The following PPP2R2C variants were observed in gnomAD, a reference collection of about 807,000 sequenced individuals.
The protein encoded by PPP2R2C is protein phosphatase 2 regulatory subunit Bgamma.
Under a neutral mutation model 45.3 loss-of-function variants are expected in PPP2R2C, and 10 were observed. The observed-to-expected ratio is 0.22, with a 90% CI of 0.14 to 0.37. The LOEUF (loss-of-function observed/expected upper bound fraction) is 0.37. Ranked by LOEUF, PPP2R2C falls within the 10% of genes least tolerant of loss-of-function variation. The pLI, the probability that PPP2R2C is intolerant of heterozygous loss-of-function variation, is 1.00. For synonymous variants in PPP2R2C, 257 were observed against 245.4 expected, an observed-to-expected ratio of 1.05 and a Z score of -0.44; for missense variants, 308 against 619.7, an observed-to-expected ratio of 0.50 and a Z score of 5.34.
intron 1 of PPP2R2C, among the ~76,000 whole-genome samples, chr4:6,548,696 T>C (rs1048313545): frequency 6.6e-6 from 1 of 152,146 alleles, no homozygotes; most frequent in African/African-American, 2.4e-5. Context: ...TCCTGGTGTG[T>C]GCAGAAATGG....
intron 1 of PPP2R2C, among the ~76,000 whole-genome samples, chr4:6,433,716 T>C (rs757560320): frequency 1.3e-5 from 2 of 152,234 alleles, no homozygotes; most frequent in East Asian, 1.9e-4. Flanking sequence ...GTCCTCATTC[T>C]TTCCCTTGAA....
intron 6 of PPP2R2C, among the ~76,000 whole-genome samples, chr4:6,337,132 A>G (rs1361438342): frequency 0.031 from 1,752 of 56,990 alleles, 179 homozygotes; most frequent in African/African-American, 0.13. Flanking sequence ...ATATATATAT[A>G]TATATATATA....
chr4:6,348,797 G>T, intron 5 of PPP2R2C: 1 of 765,134 alleles, frequency 1.3e-6, no homozygotes, highest in Non-Finnish European at 1.6e-6. Context: ...ATCTGGTGAT[G>T]CCATTGGAAT....
intron 1 of PPP2R2C, among the ~76,000 whole-genome samples, chr4:6,419,396 C>T (rs534619669): frequency 6.6e-5 from 10 of 151,910 alleles, no homozygotes; most frequent in African/African-American, 2.4e-4. Context: ...ACTGCCACTG[C>T]ACTCCTAGGC....
At chr4:6,554,572 C>T (rs764346568) in intron 1 of PPP2R2C, among the ~76,000 whole-genome samples, 20 of 152,200 alleles carry the variant, frequency 1.3e-4, no homozygotes, top group Middle Eastern at 3.4e-3. Context: ...AAATTGATTG[C>T]TCACTGGCCG....
In PPP2R2C at chr4:6,471,380, G is replaced by A. The variant is rs1293542560; in HGVS notation, c.70+780C>T. On this transcript the variant is annotated intron_variant, in intron 1 of 8. Coordinates refer to ENST00000382599, the MANE Select transcript of PPP2R2C (RefSeq NM_020416.4). This position sits in a 1 kb window ranked among gnomAD's most constrained non-coding sequence, Gnocchi z 5.6. ...AGCGAGGCAGACCAGGGGGCCCCCG[G>A]AAGTTCCAGGCCTGTAAGAGAGGGG... is the stretch of plus-strand genomic sequence containing the variant. Among the ~76,000 whole-genome samples the A allele has an allele frequency of 6.6e-6, 1 of 152,040 alleles. No individual in the cohort carries two copies. The highest frequency in any genetic ancestry group is 2.4e-5 in the African/African-American group (1 of 41,440).
intron 1 of PPP2R2C, among the ~76,000 whole-genome samples, chr4:6,416,349 C>A (rs1018337309): frequency 6.6e-6 from 1 of 152,172 alleles, no homozygotes; most frequent in South Asian, 2.1e-4. Flanking sequence ...AGAGTAGGAG[C>A]CAGGATTCGA....
intron 5 of PPP2R2C, among the ~76,000 whole-genome samples, chr4:6,359,959 C>T (rs950063379): frequency 3.3e-5 from 5 of 152,240 alleles, no homozygotes; most frequent in African/African-American, 9.6e-5. Context: ...ACTCCACAAA[C>T]GCCAAAAGCA....
rs189285227 is a variant in PPP2R2C at position 6,401,826 on chromosome 4, T to C, written c.71-20732A>G. Among the ~76,000 whole-genome samples the C allele has an allele frequency of 7.8e-4, 119 of 152,010 alleles. 1 individual carries two copies. Among genetic ancestry groups the C allele is most frequent in the African/African-American group, 2.7e-3 (113 of 41,444 alleles). Reference sequence around the variant, plus strand: ...CTGTCGCTCAAAGGGCAGAATCTGGTGGGAGAGGGGGGGTATCTGCCATGG... The same window carrying C: ...CTGTCGCTCAAAGGGCAGAATCTGGCGGGAGAGGGGGGGTATCTGCCATGG... On this transcript the variant is annotated intron_variant, in intron 1 of 8. Transcript: ENST00000382599.
rs549031559 is a variant in PPP2R2C at position 6,424,332 on chromosome 4, T to A, written c.71-43238A>T. ...CCTGCCATCCTGCGTGAGCTGACGG[T>A]TCCTCCAGGTGAAAACAGAATGGTC... On this transcript the variant is annotated intron_variant, in intron 1 of 8. Transcript: ENST00000382599. 2.6e-5 allele frequency among the ~76,000 whole-genome samples: 4 copies of A among 152,350 alleles called. No individual in the cohort carries two copies. In the South Asian group the frequency reaches 8.3e-4, roughly 32 times the overall value.
intron 1 of PPP2R2C, chr4:6,420,838 C>T: frequency 1.4e-6 from 1 of 699,414 alleles, no homozygotes; most frequent in Non-Finnish European, 1.8e-6. Flanking sequence ...CTGGGACATG[C>T]CAGTGCCCAG....
At chr4:6,473,357 G>A (rs551692827), upstream of PPP2R2C, among the ~76,000 whole-genome samples, 8 of 152,224 alleles carry the variant, frequency 5.3e-5, no homozygotes, top group African/African-American at 1.9e-4. Flanking sequence ...AATCAGCCTG[G>A]CACATAGTGG....
At chr4:6,358,789 A>T (rs1713465935) in intron 5 of PPP2R2C, among the ~76,000 whole-genome samples, 1 of 152,266 alleles carries the variant, frequency 6.6e-6, no homozygotes, top group South Asian at 2.1e-4. Flanking sequence ...TCAAAACCAC[A>T]ATGAGATACC....
At position 6,368,985 on chromosome 4, in the gene PPP2R2C, A is replaced by G. The variant is rs1297081918; in HGVS notation, c.625+3538T>C. Among the ~76,000 whole-genome samples the G allele has an allele frequency of 6.6e-6, 1 of 152,160 alleles. No homozygotes were observed. The highest frequency in any genetic ancestry group is 1.5e-5 in the Non-Finnish European group (1 of 68,012). On this transcript the variant is annotated intron_variant, in intron 5 of 8. Transcript: ENST00000382599. This position sits in a 1 kb window ranked among gnomAD's most constrained non-coding sequence, Gnocchi z 4.2. ...GTAATATAGATGCAGACGGGGAGAC[A>G]GGATTCAATCCTTCTGATGAATGAA...
At chr4:6,384,759 C>T (rs1716101356) in intron 1 of PPP2R2C, 1 of 985,364 alleles carries the variant, frequency 1.0e-6, no homozygotes, top group African/African-American at 1.7e-5. Context: ...CCTTTAACCT[C>T]ACGCCAGCCC....
intron 1 of PPP2R2C, among the ~76,000 whole-genome samples, chr4:6,396,006 C>T (rs1024499923): frequency 2.6e-5 from 4 of 152,216 alleles, no homozygotes; most frequent in African/African-American, 7.2e-5. Flanking sequence ...CCTGGTTACA[C>T]GCCGGCCACC....
At chr4:6,494,857 G>A (rs1218223496) in intron 2 of PPP2R2C, among the ~76,000 whole-genome samples, 1 of 152,222 alleles carries the variant, frequency 6.6e-6, no homozygotes, top group Non-Finnish European at 1.5e-5. Flanking sequence ...GGGGAAACCT[G>A]AGTAAAAGGG....
chr4:6,433,480 T>A (rs950237311), intron 1 of PPP2R2C, among the ~76,000 whole-genome samples: 3 of 152,160 alleles, frequency 2.0e-5, no homozygotes, highest in Admixed American at 2.0e-4. Flanking sequence ...TTTCCCATCA[T>A]TCTGTAAGAC....
chr4:6,455,614 T>A (rs1397116724), intron 1 of PPP2R2C, among the ~76,000 whole-genome samples: 2 of 152,132 alleles, frequency 1.3e-5, no homozygotes, highest in Non-Finnish European at 2.9e-5. Context: ...CTTTCTCACC[T>A]CTGCTGGAAG....
Sources: allele counts gnomAD v4.1 joint callset (sites outside exome capture counted in the v4.1 genomes callset), GRCh38; gene constraint gnomAD v4.1.1; non-coding constraint Gnocchi (gnomAD v3.1); transcripts MANE v1.5; gene names NCBI Gene and HGNC (gene_info 2026-07-23, HGNC 2026-07-21).